The following PSD3 variants were observed in gnomAD, a reference collection of about 807,000 sequenced individuals.
The protein encoded by PSD3 is pleckstrin and Sec7 domain containing 3.
In PSD3, 49 loss-of-function variants were observed where a neutral mutation model predicts 105.5. That is an observed-to-expected ratio of 0.46 (90% CI 0.37 to 0.59). PSD3 has a LOEUF of 0.59. Ranked by LOEUF, PSD3 falls within the 20% of genes least tolerant of loss-of-function variation. The pLI, the probability that PSD3 is intolerant of heterozygous loss-of-function variation, is 0.00. For missense variants in PSD3, 1,561 were observed against 1,263.8 expected (o/e 1.24, Z -3.57); for synonymous variants, 557 against 457.8 (o/e 1.22, Z -2.77).
At chr8:18,984,622 A>T (rs1440868891) in intron 1 of PSD3, among the ~76,000 whole-genome samples, 5 of 152,234 alleles carry the variant, frequency 3.3e-5, no homozygotes. Flanking sequence ...TAATTTTGTG[A>T]ATTTTGTAGT....
chr8:18,983,940 G>C (rs1825369151), intron 1 of PSD3, among the ~76,000 whole-genome samples: 1 of 149,638 alleles, frequency 6.7e-6, no homozygotes, highest in African/African-American at 2.5e-5. Context: ...AAAAGTTCAA[G>C]ATTGCAGTGA....
intron 1 of PSD3, among the ~76,000 whole-genome samples, chr8:18,970,055 C>CA (rs532500650): frequency 7.8e-5 from 3 of 38,310 alleles, no homozygotes; most frequent in South Asian, 1.9e-3. Flanking sequence ...CGGCCAGGTG[C>CA]GGGCTCACAC....
intron 1 of PSD3, among the ~76,000 whole-genome samples, chr8:18,939,491 C>T (rs1050460181): frequency 6.6e-6 from 1 of 150,678 alleles, no homozygotes; most frequent in Non-Finnish European, 1.5e-5. Context: ...ACCATTAAAT[C>T]TTGTTATCAA....
intron 8 of PSD3, chr8:18,774,756 G>C: frequency 2.6e-6 from 1 of 385,712 alleles, no homozygotes; most frequent in Non-Finnish European, 5.2e-6. Flanking sequence ...GAGAACACAG[G>C]CAACAGATTT....
chr8:19,031,327 A>G (rs1029398992), intron 1 of PSD3, among the ~76,000 whole-genome samples: 2 of 152,208 alleles, frequency 1.3e-5, no homozygotes, highest in Non-Finnish European at 2.9e-5. Context: ...AGTATCAATA[A>G]TAAGCATATT....
intron 9 of PSD3, among the ~76,000 whole-genome samples, chr8:18,663,986 G>A (rs1055351833): frequency 6.6e-6 from 1 of 152,158 alleles, no homozygotes; most frequent in Admixed American, 6.5e-5. Flanking sequence ...TGTTACTACT[G>A]TAATTGTTTT....
chr8:18,791,200 C>A (rs1366128955), intron 8 of PSD3, among the ~76,000 whole-genome samples: 1 of 152,074 alleles, frequency 6.6e-6, no homozygotes, highest in Non-Finnish European at 1.5e-5. Flanking sequence ...CTACCATTGA[C>A]CTTCTTCATT....
At chr8:18,567,310 T>G (rs1801846114) in intron 14 of PSD3, among the ~76,000 whole-genome samples, 1 of 152,142 alleles carries the variant, frequency 6.6e-6, no homozygotes, top group South Asian at 2.1e-4. Context: ...TTCCCTCCCC[T>G]TATATCGTGT....
chr8:18,668,374 G>A (rs17695641), intron 9 of PSD3, among the ~76,000 whole-genome samples: 6,014 of 152,298 alleles, frequency 0.039, 184 homozygotes, highest in Admixed American at 0.1. Context: ...CTGACGCTGC[G>A]ATGATGTTCT....
At chr8:18,680,105 A>G (rs1038094180) in intron 9 of PSD3, among the ~76,000 whole-genome samples, 1 of 152,218 alleles carries the variant, frequency 6.6e-6, no homozygotes, top group African/African-American at 2.4e-5. Flanking sequence ...GAACTTTTAC[A>G]GATTTATGTT....
intron 12 of PSD3, among the ~76,000 whole-genome samples, chr8:18,590,258 A>G (rs1803497791): frequency 1.3e-5 from 2 of 152,166 alleles, no homozygotes; most frequent in Non-Finnish European, 2.9e-5. Context: ...AAAGCAGTTG[A>G]TCATCTCAGT....
intron 4 of PSD3, among the ~76,000 whole-genome samples, chr8:18,861,901 A>G (rs1816480879): frequency 3.3e-5 from 5 of 152,068 alleles, no homozygotes; most frequent in Admixed American, 3.3e-4. Context: ...AAGCTGCCAG[A>G]AAAGAGGATG....
intron 1 of PSD3, among the ~76,000 whole-genome samples, chr8:19,055,215 T>A (rs998131508): frequency 2.0e-5 from 3 of 152,204 alleles, no homozygotes; most frequent in African/African-American, 7.2e-5. Flanking sequence ...AAGAGGCAGT[T>A]CATACAAAAC....
rs571407484 is a variant in PSD3, at chr8:18,618,448, C to CT, written c.2410+14164dup. Among the ~76,000 whole-genome samples the CT allele has an allele frequency of 6.8e-4, 103 of 151,008 alleles. 1 individual carries two copies. The highest frequency in any genetic ancestry group is 2.2e-3 in the African/African-American group (91 of 41,388). On this transcript the variant is annotated intron_variant, in intron 11 of 15. Coordinates refer to ENST00000327040, the MANE Select transcript of PSD3 (RefSeq NM_015310.4). Reference sequence around the variant, plus strand: ...TCTTCAAATATTTTACAGACTTTGGCTTTTTTTTGTCAACAATATCATTTT... The same window carrying CT: ...TCTTCAAATATTTTACAGACTTTGGCTTTTTTTTTGTCAACAATATCATTTT...
Position 18,801,279 on chromosome 8 carries a change from C to A in PSD3, c.2014G>T (p.Ala672Ser). 1 of 1,562,748 alleles carries A rather than the reference C, an allele frequency of 6.4e-7. No homozygotes were observed. The highest frequency in any genetic ancestry group is 8.8e-7 in the Non-Finnish European group (1 of 1,141,018). Residue 672 changes from alanine to serine, a missense_variant, in exon 7 of 16, where the codon GCT becomes TCT. Physicochemically the swap from Ala to Ser is moderately conservative, Grantham distance 99 (BLOSUM62 1). Coordinates refer to ENST00000327040, the MANE Select transcript of PSD3 (RefSeq NM_015310.4). ...ATTTGTATCAGATTACCTTGTGAAG[C>A]AATGGTATCTGGGTTACAATAAAAA... ...RYFYCNPDTI[A>S]SQDGVHCLTC...
At chr8:18,690,742 G>A (rs1414688240) in intron 9 of PSD3, among the ~76,000 whole-genome samples, 2 of 152,140 alleles carry the variant, frequency 1.3e-5, no homozygotes, top group African/African-American at 2.4e-5. Context: ...CCACAGTGCC[G>A]GGCTACCTCT....
At chr8:18,763,193 G>T (rs2410595) in intron 9 of PSD3, among the ~76,000 whole-genome samples, 7 of 152,088 alleles carry the variant, frequency 4.6e-5, no homozygotes, top group African/African-American at 1.7e-4. Flanking sequence ...AGGTCAATAC[G>T]TAACAATAAA....
intron 9 of PSD3, among the ~76,000 whole-genome samples, chr8:18,742,804 CA>C (rs1804678019): frequency 6.6e-6 from 1 of 152,116 alleles, no homozygotes; most frequent in South Asian, 2.1e-4. Flanking sequence ...TTCATAAAGA[CA>C]AAGAGCTAGT....
intron 9 of PSD3, chr8:18,734,010 C>T (rs965158348): frequency 2.6e-5 from 4 of 152,198 alleles, no homozygotes; most frequent in Non-Finnish European, 4.4e-5. Flanking sequence ...TAGGCAAAGG[C>T]AGCACTTATT....
Sources: allele counts gnomAD v4.1 joint callset (sites outside exome capture counted in the v4.1 genomes callset), GRCh38; gene constraint gnomAD v4.1.1; transcripts MANE v1.5; gene names NCBI Gene and HGNC (gene_info 2026-07-23, HGNC 2026-07-21).